ACAD11: variants seen among roughly 807,000 people sequenced by gnomAD.
ACAD11 encodes the protein acyl-CoA dehydrogenase family member 11, also known as acyl-Coenzyme A dehydrogenase family, member 11.
A neutral mutation model predicts 102.2 loss-of-function variants in ACAD11; 83 were observed. The ratio of observed to expected loss-of-function variants is 0.81; its 90% confidence interval spans 0.68 to 0.97. ACAD11 has a LOEUF of 0.97. ACAD11 is among the 50% of genes least tolerant of loss of function. The probability of loss-of-function intolerance (pLI) is 0.00; values close to 1 mark genes in which losing one functional copy is unlikely to be tolerated. For synonymous variants in ACAD11, 324 were observed against 319.8 expected, an observed-to-expected ratio of 1.01 and a Z score of -0.14; for missense variants, 901 against 951.7, an observed-to-expected ratio of 0.95 and a Z score of 0.70.
chr3:132,622,981 CTG>C (rs962897297), intron 9 of ACAD11, among the ~76,000 whole-genome samples: 13 of 152,158 alleles, frequency 8.5e-5, no homozygotes, highest in African/African-American at 2.9e-4. Flanking sequence ...TGTGTTCTCA[CTG>C]TGTTATGTTG....
intron 1 of ACAD11, among the ~76,000 whole-genome samples, chr3:132,656,034 T>C (rs1937774237): frequency 6.6e-6 from 1 of 152,224 alleles, no homozygotes; most frequent in African/African-American, 2.4e-5. Context: ...AAACCCTGTA[T>C]GTCCTTCCCC....
At chr3:132,645,392 T>C (rs1439153050) in intron 1 of ACAD11, among the ~76,000 whole-genome samples, 1 of 152,126 alleles carries the variant, frequency 6.6e-6, no homozygotes, top group Non-Finnish European at 1.5e-5. Flanking sequence ...TTCTGAGAAG[T>C]GAGGTCCCAC....
intron 13 of ACAD11, among the ~76,000 whole-genome samples, chr3:132,590,902 T>C (rs1373881173): frequency 2.6e-5 from 4 of 152,228 alleles, no homozygotes; most frequent in Non-Finnish European, 5.9e-5. Flanking sequence ...TGCTGGATAT[T>C]GGACCTTTGT....
intron 11 of ACAD11, among the ~76,000 whole-genome samples, chr3:132,613,424 C>T (rs553839232): frequency 0.012 from 4 of 332 alleles, no homozygotes; most frequent in African/African-American, 0.042. Flanking sequence ...ACAAAACAAA[C>T]AAACAAAAAA....
At chr3:132,649,879 TC>T (rs1940870918) in intron 1 of ACAD11, 1 of 152,212 alleles carries the variant, frequency 6.6e-6, no homozygotes, top group South Asian at 2.1e-4. Flanking sequence ...CGGGCATTCC[TC>T]CTAAACCCTT....
intron 13 of ACAD11, among the ~76,000 whole-genome samples, chr3:132,582,264 G>T (rs992479904): frequency 1.7e-4 from 25 of 150,378 alleles, no homozygotes; most frequent in African/African-American, 5.4e-4. Context: ...TGTCTAAAAT[G>T]AATAAATTAA....
At chr3:132,627,542 T>G (rs189481436) in intron 8 of ACAD11, among the ~76,000 whole-genome samples, 1 of 152,300 alleles carries the variant, frequency 6.6e-6, no homozygotes, top group Non-Finnish European at 1.5e-5. Flanking sequence ...GAATATTAGA[T>G]CTGTAGAACA....
At chr3:132,638,940 G>T (rs1362149968) in intron 5 of ACAD11, among the ~76,000 whole-genome samples, 1 of 152,068 alleles carries the variant, frequency 6.6e-6, no homozygotes, top group African/African-American at 2.4e-5. Context: ...CTCATTGTAG[G>T]TGCTCAGTGG....
intron 1 of ACAD11, chr3:132,648,834 T>C (rs963001483): frequency 2.0e-5 from 3 of 152,258 alleles, no homozygotes; most frequent in Non-Finnish European, 2.9e-5. Flanking sequence ...ACTGTGTCTA[T>C]GTAGAAAGGG....
At chr3:132,642,214 G>T in intron 3 of ACAD11, 81 bp from the exon 4 acceptor site, 1 of 1,318,660 alleles carries the variant, frequency 7.6e-7, no homozygotes, top group Non-Finnish European at 1.0e-6. Flanking sequence ...ATTCATTTGT[G>T]AAACATATTT....
intron 4 of ACAD11, among the ~76,000 whole-genome samples, chr3:132,640,637 C>T (rs1271164797): frequency 6.6e-6 from 1 of 152,090 alleles, no homozygotes; most frequent in Non-Finnish European, 1.5e-5. Context: ...TCATATCAAC[C>T]TGGGTTTAAA....
chr3:132,635,432 G>A (rs1008892870), intron 5 of ACAD11, among the ~76,000 whole-genome samples: 4 of 152,160 alleles, frequency 2.6e-5, no homozygotes, highest in Admixed American at 2.6e-4. Context: ...ATAACTGTGT[G>A]TGCTTGCACT....
intron 13 of ACAD11, among the ~76,000 whole-genome samples, chr3:132,592,840 G>GA (rs531184934): frequency 1.3e-5 from 2 of 151,858 alleles, no homozygotes; most frequent in Admixed American, 6.6e-5. Context: ...CACAGTTAAA[G>GA]AAAAAAAATC....
intron 1 of ACAD11, among the ~76,000 whole-genome samples, chr3:132,655,413 C>T (rs941872563): frequency 6.6e-6 from 1 of 152,190 alleles, no homozygotes; most frequent in East Asian, 1.9e-4. Flanking sequence ...GCCAAAGTCT[C>T]TTTATTGCCT....
At chr3:132,585,695 C>G (rs1486166266) in intron 13 of ACAD11, among the ~76,000 whole-genome samples, 2 of 152,224 alleles carry the variant, frequency 1.3e-5, no homozygotes, top group African/African-American at 2.4e-5. Flanking sequence ...TGAATAGACA[C>G]TTCTCAAAAG....
chr3:132,654,560 A>G (rs1381228708), intron 1 of ACAD11: 1 of 152,204 alleles, frequency 6.6e-6, no homozygotes, highest in Non-Finnish European at 1.5e-5. Context: ...GAGCCGTAAA[A>G]GCCAATCATG....
chr3:132,657,965 G>A (rs1373709395), intron 1 of ACAD11, among the ~76,000 whole-genome samples: 3 of 149,394 alleles, frequency 2.0e-5, no homozygotes, highest in East Asian at 2.0e-4. Context: ...TGGTTCAAGC[G>A]ATTCTCCTGC....
chr3:132,626,948 T>C (rs1939842259), intron 8 of ACAD11, 131 bp from the exon 9 acceptor site: 2 of 872,636 alleles, frequency 2.3e-6, no homozygotes, highest in South Asian at 4.3e-5. Context: ...CTGTATTTTA[T>C]ATTTTAAAAA....
chr3:132,624,366 G>A (rs1451242049), intron 9 of ACAD11, among the ~76,000 whole-genome samples: 1 of 151,496 alleles, frequency 6.6e-6, no homozygotes, highest in Non-Finnish European at 1.5e-5. Context: ...CAGCACTTTG[G>A]GAGGCTGAGG....
Sources: gnomAD v4.1 joint callset for allele counts (sites outside exome capture counted in the v4.1 genomes callset) on GRCh38, gnomAD v4.1.1 for gene constraint, MANE v1.5 for transcripts, NCBI Gene and HGNC (gene_info 2026-07-23, HGNC 2026-07-21) for gene names.